Variants in LRMDA observed in about 807,000 individuals in gnomAD.
LRMDA encodes the protein leucine rich melanocyte differentiation associated.
LRMDA carries 18 observed loss-of-function variants against 29.8 expected under a neutral mutation model. That is an observed-to-expected ratio of 0.60 (90% CI 0.42 to 0.90). The LOEUF (loss-of-function observed/expected upper bound fraction) is 0.90, where lower values mean the gene tolerates loss of function less well. LRMDA is among the 40% of genes least tolerant of loss of function. The pLI, the probability that LRMDA is intolerant of heterozygous loss-of-function variation, is 0.00. For missense variants in LRMDA, 273 were observed against 273.9 expected, an observed-to-expected ratio of 1.00 and a Z score of 0.02; for synonymous variants, 125 against 109.4, an observed-to-expected ratio of 1.14 and a Z score of -0.89.
At chr10:76,042,843 G>A (rs1288339529) in intron 3 of LRMDA, among the ~76,000 whole-genome samples, 4 of 152,014 alleles carry the variant, frequency 2.6e-5, no homozygotes, top group African/African-American at 7.3e-5. Context: ...TTTGTTATTG[G>A]TAGTTTCACC....
chr10:75,867,097 C>T (rs1845032053), intron 2 of LRMDA, among the ~76,000 whole-genome samples: 1 of 152,170 alleles, frequency 6.6e-6, no homozygotes, highest in Admixed American at 6.5e-5. Context: ...CAGGCAGTCT[C>T]TCTCCTTTCT....
intron 2 of LRMDA, among the ~76,000 whole-genome samples, chr10:75,771,415 G>A (rs972825809): frequency 1.4e-4 from 22 of 152,136 alleles, no homozygotes; most frequent in African/African-American, 4.1e-4. Context: ...ATGCTGAGGC[G>A]CGTGAATCAG....
intron 3 of LRMDA, among the ~76,000 whole-genome samples, chr10:76,036,668 T>G (rs1848252748): frequency 6.6e-6 from 1 of 152,152 alleles, no homozygotes; most frequent in Non-Finnish European, 1.5e-5. Flanking sequence ...ATGCCCTCAC[T>G]GGGGGATACC....
chr10:75,704,726 G>T (rs1190763203), intron 2 of LRMDA, among the ~76,000 whole-genome samples: 2 of 152,188 alleles, frequency 1.3e-5, no homozygotes, highest in African/African-American at 4.8e-5. Flanking sequence ...CCAGCCTGGT[G>T]CAGTGGAAAG....
chr10:76,389,611 T>C (rs1039401672), intron 6 of LRMDA, among the ~76,000 whole-genome samples: 5 of 152,164 alleles, frequency 3.3e-5, no homozygotes, highest in African/African-American at 1.2e-4. Flanking sequence ...TGAAACTCCA[T>C]ACTCATTAAA....
chr10:76,435,851 T>C (rs1842239409), intron 6 of LRMDA, among the ~76,000 whole-genome samples: 1 of 152,184 alleles, frequency 6.6e-6, no homozygotes, highest in Admixed American at 6.5e-5. Context: ...TAGGTCCTGC[T>C]AACACTTATC....
intron 2 of LRMDA, among the ~76,000 whole-genome samples, chr10:75,784,153 G>A (rs1236040838): frequency 2.0e-5 from 3 of 152,176 alleles, no homozygotes; most frequent in Admixed American, 6.5e-5. Flanking sequence ...GGGATTAAAA[G>A]TAGGACTGGT....
chr10:76,486,208 C>T (rs1427289210), intron 6 of LRMDA, among the ~76,000 whole-genome samples: 1 of 151,814 alleles, frequency 6.6e-6, no homozygotes, highest in Non-Finnish European at 1.5e-5. Context: ...TTTTTTAAAG[C>T]CGGCAATCCA....
intron 6 of LRMDA, among the ~76,000 whole-genome samples, chr10:76,437,785 C>A (rs147506500): frequency 2.6e-5 from 4 of 152,338 alleles, no homozygotes; most frequent in African/African-American, 7.2e-5. Context: ...CAAACAAGGC[C>A]TTTGGGTCAG....
chr10:75,706,108 C>T (rs1289814717), intron 2 of LRMDA, among the ~76,000 whole-genome samples: 1 of 152,110 alleles, frequency 6.6e-6, no homozygotes, highest in East Asian at 1.9e-4. Flanking sequence ...ACACTTTTTG[C>T]CATGTTGCTT....
chr10:76,518,280 CATCTATCTATCT>C (rs10568061), intron 6 of LRMDA, among the ~76,000 whole-genome samples: 466 of 146,674 alleles, frequency 3.2e-3, no homozygotes, highest in Middle Eastern at 0.028. Flanking sequence ...ATTTATCTAT[CATCTATCTATCT>C]ATCTATCTAT....
At chr10:75,508,453 AC>A (rs1171383231) in intron 2 of LRMDA, among the ~76,000 whole-genome samples, 1 of 152,178 alleles carries the variant, frequency 6.6e-6, no homozygotes, top group Non-Finnish European at 1.5e-5. Flanking sequence ...GTCAGCTCTA[AC>A]TAATTTCAGA....
chr10:75,562,360 CTT>C (rs1391265441), intron 2 of LRMDA, among the ~76,000 whole-genome samples: 1 of 151,390 alleles, frequency 6.6e-6, no homozygotes, highest in African/African-American at 2.4e-5. Flanking sequence ...CAACCCCTGC[CTT>C]TTTTTGTTTT....
chr10:75,698,663 CTTTT>C (rs551699732), intron 2 of LRMDA, among the ~76,000 whole-genome samples: 1 of 130,620 alleles, frequency 7.7e-6, no homozygotes, highest in Non-Finnish European at 1.7e-5. Context: ...ACCTTCACCT[CTTTT>C]TTTTTTTTTG....
At chr10:76,188,821 G>C (rs915375949) in intron 5 of LRMDA, among the ~76,000 whole-genome samples, 13 of 152,238 alleles carry the variant, frequency 8.5e-5, no homozygotes, top group South Asian at 8.3e-4. Flanking sequence ...TAAAGTAATA[G>C]AGAGGTGTTC....
At chr10:76,249,998 GT>G (rs1264359466) in intron 5 of LRMDA, among the ~76,000 whole-genome samples, 1 of 152,050 alleles carries the variant, frequency 6.6e-6, no homozygotes, top group Non-Finnish European at 1.5e-5. Context: ...TAGAGATGAG[GT>G]TTCGCCATGT....
chr10:75,775,571 C>G (rs1027633360), intron 2 of LRMDA, among the ~76,000 whole-genome samples: 2 of 152,194 alleles, frequency 1.3e-5, no homozygotes, highest in Non-Finnish European at 2.9e-5. Flanking sequence ...TAACCACAGT[C>G]AGTATGATCC....
At chr10:76,188,686 C>G (rs774504161) in intron 5 of LRMDA, among the ~76,000 whole-genome samples, 6 of 151,466 alleles carry the variant, frequency 4.0e-5, no homozygotes, top group Non-Finnish European at 7.4e-5. Flanking sequence ...TTTTCATTTT[C>G]AAGTTGTCTT....
At chr10:76,068,502 A>G (rs1316964262) in intron 5 of LRMDA, among the ~76,000 whole-genome samples, 1 of 152,208 alleles carries the variant, frequency 6.6e-6, no homozygotes, top group African/African-American at 2.4e-5. Flanking sequence ...AGGAGCCTAC[A>G]ACCTAGATCC....
Sources: allele counts gnomAD v4.1 joint callset (sites outside exome capture counted in the v4.1 genomes callset), GRCh38; gene constraint gnomAD v4.1.1; transcripts MANE v1.5; gene names NCBI Gene and HGNC (gene_info 2026-07-23, HGNC 2026-07-21).